Variants in ERFL observed in about 807,000 individuals in gnomAD.
The protein encoded by ERFL is ETS domain-containing transcription factor ERF-like.
In ERFL, 8 loss-of-function variants were observed where a neutral mutation model predicts 27.9. That is an observed-to-expected ratio of 0.29 (90% CI 0.17 to 0.52). The LOEUF (loss-of-function observed/expected upper bound fraction) is 0.52. Among genes scored for constraint, ERFL ranks in the 20% least tolerant of loss-of-function variants. The pLI, the probability that ERFL is intolerant of heterozygous loss-of-function variation, is 0.97. For missense variants in ERFL, 294 were observed against 444.4 expected, an observed-to-expected ratio of 0.66 and a Z score of 3.04; for synonymous variants, 174 against 202.8, an observed-to-expected ratio of 0.86 and a Z score of 1.21.
chr19:41,908,453 C>T lies in ERFL; in HGVS notation c.840G>A (p.Ser280=), dbSNP rs899082762. The part of the protein sequence containing the change: ...GGPTATPLLA[S]TGEGLGPERP... ...GCTCGGGGCCCAGGCCCTCCCCTGT[C>T]GAGGCCAGCAGGGGCGTGGCTGTGG... The change falls in exon 6 of 6, where the codon TCG becomes TCA. Residue 280 remains serine (S), a synonymous_variant. Coordinates refer to ENST00000597630, the MANE Select transcript of ERFL (RefSeq NM_001365103.2). The surrounding 1 kb of genome is among the most constrained non-coding windows in gnomAD (Gnocchi z 6.7). The T allele has an allele frequency of 6.7e-5, 82 of 1,231,216 alleles. No individual in the cohort carries two copies. Among genetic ancestry groups the T allele is most frequent in the African/African-American group, 1.9e-4 (12 of 64,382 alleles). 76.3% of individuals were successfully genotyped at this position (1,231,216 alleles called of 1,614,324 possible).
chr19:41,915,946 C>G (rs1364861393), intron 1 of ERFL, among the ~76,000 whole-genome samples: 2 of 152,126 alleles, frequency 1.3e-5, no homozygotes, highest in Admixed American at 1.3e-4. Context: ...CCCTCCCCCC[C>G]GCCGGCCGGC....
intron 1 of ERFL, among the ~76,000 whole-genome samples, chr19:41,920,932 T>TCTCTGC (rs1260353527): frequency 6.6e-6 from 1 of 152,174 alleles, no homozygotes; most frequent in South Asian, 2.1e-4. Context: ...TCTGTCTCTG[T>TCTCTGC]CTCTGCCTCC....
At position 41,908,621 on chromosome 19, in the gene ERFL, G is replaced by A; in HGVS notation, c.672C>T (p.Phe224=). 1 of 1,231,742 alleles carries A rather than the reference G, an allele frequency of 8.1e-7. No homozygotes were observed. The highest frequency in any genetic ancestry group is 1.0e-6 in the Non-Finnish European group (1 of 988,050). The allele number at this position is 1,231,742 out of a possible 1,614,324, so 76.3% of individuals were successfully genotyped here. The change falls in exon 6 of 6, where the codon TTC becomes TTT. Residue 224 remains phenylalanine, a synonymous_variant. Transcript: ENST00000597630. This position sits in a 1 kb window ranked among gnomAD's most constrained non-coding sequence, Gnocchi z 6.7. ...GGTTAAAGTTCCAGGGGTACTCAGG[G>A]AAGGCGCGGCCATAAGGACCCAGCA... ...PGLLGPYGRA[F]PEYPWNFNPY...
chr19:41,909,379 G>T lies in ERFL; in HGVS notation c.395C>A (p.Pro132Gln). 8.1e-7 allele frequency: 1 copy of T among 1,236,794 alleles called. No individual in the cohort carries two copies. 76.6% of individuals were successfully genotyped at this position (1,236,794 alleles called of 1,614,324 possible). A position where few individuals can be genotyped will look rare whatever the true frequency, so the allele number is the denominator to read the frequency against. ...GGCAGCTGCCGCCATGTCCAGCAGC[G>T]GGTAATTGACAAGCACGACTTTGCT... ...NFSKVVLVNY[P>Q]LLDMAAAATG... The change falls in exon 4 of 6, where the codon CCG (proline) becomes CAG (glutamine). Residue 132 changes from proline (P) to glutamine (Q), a missense_variant. Coordinates refer to ENST00000597630, the MANE Select transcript of ERFL (RefSeq NM_001365103.2). The surrounding 1 kb of genome is among the most constrained non-coding windows in gnomAD (Gnocchi z 5.2).
rs1224759479 is a variant in ERFL at position 41,908,332 on chromosome 19, G to A, written c.961C>T (p.Leu321=). ...CAGCCGCTGACGTCGGTGATCTCCA[G>A]CTCCGAGTCGCTGTCCTCCTTCCCA... ...LGGKEDSDSE[L]EITDVSGCSS... Residue 321 remains leucine (L), a synonymous_variant, in exon 6 of 6, where the codon CTG becomes TTG. Transcript: ENST00000597630. This position sits in a 1 kb window ranked among gnomAD's most constrained non-coding sequence, Gnocchi z 6.7. The A allele has an allele frequency of 8.1e-7, 1 of 1,231,366 alleles. No individual in the cohort carries two copies. Among genetic ancestry groups the A allele is most frequent in the Non-Finnish European group, 1.0e-6 (1 of 987,810 alleles). The allele number at this position is 1,231,366 out of a possible 1,614,324, so 76.3% of individuals were successfully genotyped here.
In ERFL at chr19:41,912,319, C is replaced by T. The variant is rs560009783; in HGVS notation, c.67+534G>A. 6.6e-4 allele frequency among the ~76,000 whole-genome samples: 101 copies of T among 152,344 alleles called. 2 individuals carry two copies. The highest frequency in any genetic ancestry group is 2.4e-3 in the African/African-American group (98 of 41,584). ...AGAGTCTCTGTCTGTCTCTCACACA[C>T]ACACACACCCCTCCCGCTGCACATC... On this transcript the variant is annotated intron_variant, in intron 2 of 5. Transcript: ENST00000597630.
At chr19:41,913,534 C>A (rs1460461882) in intron 1 of ERFL, among the ~76,000 whole-genome samples, 2 of 151,730 alleles carry the variant, frequency 1.3e-5, no homozygotes, top group Non-Finnish European at 2.9e-5. Context: ...CCCAGCACCC[C>A]CTCCTCCAGT....
intron 2 of ERFL, among the ~76,000 whole-genome samples, chr19:41,912,637 C>T (rs1555851361): frequency 1.3e-5 from 2 of 152,238 alleles, no homozygotes; most frequent in African/African-American, 4.8e-5. Flanking sequence ...GAAGACCCAC[C>T]TATCCCCCCA....
At chr19:41,926,515 G>A (rs535450773) in intron 1 of ERFL, among the ~76,000 whole-genome samples, 1 of 152,212 alleles carries the variant, frequency 6.6e-6, no homozygotes, top group East Asian at 1.9e-4. Flanking sequence ...CTGCCACCTC[G>A]ATTTCTCTCG....
At chr19:41,923,737 G>A (rs1220293704) in intron 1 of ERFL, among the ~76,000 whole-genome samples, 1 of 17,196 alleles carries the variant, frequency 5.8e-5, no homozygotes, top group South Asian at 1.2e-3. Context: ...CTGGGGAGGC[G>A]GAGGTGTGCT....
intron 1 of ERFL, among the ~76,000 whole-genome samples, chr19:41,918,009 C>T (rs540681591): frequency 6.6e-6 from 1 of 151,918 alleles, no homozygotes; most frequent in Non-Finnish European, 1.5e-5. Flanking sequence ...GGCCGGCCCT[C>T]GACAGGCACC....
chr19:41,921,325 A>G lies in ERFL; in HGVS notation c.-14+6715T>C, dbSNP rs2074841201. 6.6e-6 allele frequency among the ~76,000 whole-genome samples: 1 copy of G among 152,052 alleles called. No individual in the cohort carries two copies. ...GGGGGTGGAGCGTGATACATGGAGA[A>G]CTGAGAGGAAGCAGGAGTGAGACAC... is the stretch of plus-strand genomic sequence containing the variant. On this transcript the variant is annotated intron_variant, in intron 1 of 5. Coordinates refer to ENST00000597630, the MANE Select transcript of ERFL (RefSeq NM_001365103.2). The surrounding 1 kb of genome is among the most constrained non-coding windows in gnomAD (Gnocchi z 4.4).
chr19:41,926,734 G>C (rs906025501), intron 1 of ERFL, among the ~76,000 whole-genome samples: 9 of 152,266 alleles, frequency 5.9e-5, no homozygotes, highest in Non-Finnish European at 8.8e-5. Context: ...CGGGCGGGGG[G>C]GCCGTTTAGC....
chr19:41,920,997 G>A (rs75167885), intron 1 of ERFL, among the ~76,000 whole-genome samples: 4,045 of 152,284 alleles, frequency 0.027, 173 homozygotes, highest in African/African-American at 0.091. Context: ...CTCAGTCTCC[G>A]CACGATGTCC....
chr19:41,910,103 G>T lies in ERFL; in HGVS notation c.68-6C>A. ...CCAATCCGGGAAGGCAAACCCTGGG[G>T]ACGGGAGGCAGGGAGTGGCCTGGGG... On this transcript the variant is annotated splice_region_variant and splice_polypyrimidine_tract_variant and intron_variant, in intron 2 of 5. Transcript: ENST00000597630. The surrounding 1 kb of genome is among the most constrained non-coding windows in gnomAD (Gnocchi z 4.4). 1 of 1,610,540 alleles carries T rather than the reference G, an allele frequency of 6.2e-7. No individual in the cohort carries two copies. The highest frequency in any genetic ancestry group is 1.1e-5 in the South Asian group (1 of 90,714).
At chr19:41,911,976 C>T (rs868943949) in intron 2 of ERFL, among the ~76,000 whole-genome samples, 1 of 151,932 alleles carries the variant, frequency 6.6e-6, no homozygotes, top group Non-Finnish European at 1.5e-5. Flanking sequence ...GGATGCATCC[C>T]CCCCACAGCC....
At chr19:41,912,640 T>TC (rs1206243631) in intron 2 of ERFL, among the ~76,000 whole-genome samples, 3 of 152,038 alleles carry the variant, frequency 2.0e-5, no homozygotes, top group East Asian at 1.9e-4. Flanking sequence ...GACCCACCTA[T>TC]CCCCCCAGCA....
chr19:41,908,905 A>G lies in ERFL; in HGVS notation c.616+155T>C, dbSNP rs1198757361. ...GTCTCCCTCATTTCCCCTCCCTCACATCACATCCTTTTCTGGGTTTTACAC... is the reference window on the plus strand; with the variant it reads ...GTCTCCCTCATTTCCCCTCCCTCACGTCACATCCTTTTCTGGGTTTTACAC... On this transcript the variant is annotated intron_variant, in intron 5 of 5. Transcript: ENST00000597630. The surrounding 1 kb of genome is among the most constrained non-coding windows in gnomAD (Gnocchi z 6.7). Among the ~76,000 whole-genome samples the G allele has an allele frequency of 8.8e-5, 13 of 148,324 alleles. No individual in the cohort carries two copies. The highest frequency in any genetic ancestry group is 8.1e-4 in the Admixed American group (12 of 14,896).
In ERFL at chr19:41,912,877, C is replaced by T; in HGVS notation, c.43G>A (p.Ala15Thr). Residue 15 changes from alanine (A) to threonine (T), a missense_variant, in exon 2 of 6, where the codon GCC becomes ACC. Coordinates refer to ENST00000597630, the MANE Select transcript of ERFL (RefSeq NM_001365103.2). Reference protein sequence around the residue: ...CVSDLLFAPPALPALWTPGFA... With the variant: ...CVSDLLFAPPTLPALWTPGFA... ...CCGGGGGTCCAGAGAGCCGGCAGGG[C>T]GGGCGGGGCGAAGAGAAGGTCGGAG... 2.4e-6 allele frequency: 3 copies of T among 1,227,632 alleles called. No individual in the cohort carries two copies. The highest frequency in any genetic ancestry group is 8.5e-5 in the Admixed American group (2 of 23,392). 76.0% of individuals were successfully genotyped at this position (1,227,632 alleles called of 1,614,324 possible).
Sources: gnomAD v4.1 joint callset for allele counts (sites outside exome capture counted in the v4.1 genomes callset) on GRCh38, gnomAD v4.1.1 for gene constraint, Gnocchi (gnomAD v3.1) non-coding constraint, MANE v1.5 for transcripts, NCBI Gene and HGNC (gene_info 2026-07-23, HGNC 2026-07-21) for gene names.